Variants in TTLL11 observed in about 807,000 individuals in gnomAD.
TTLL11 encodes tubulin tyrosine ligase like 11.
TTLL11 carries 42 observed loss-of-function variants against 51.7 expected under a neutral mutation model. That is an observed-to-expected ratio of 0.81 (90% CI 0.64 to 1.05). The LOEUF (loss-of-function observed/expected upper bound fraction) is 1.05. Ranked by LOEUF, TTLL11 falls within the 50% of genes least tolerant of loss-of-function variation. TTLL11 has a pLI of 0.00. For synonymous variants in TTLL11, 381 were observed against 383.5 expected (o/e 0.99, Z 0.08); for missense variants, 799 against 940.4 (o/e 0.85, Z 1.97).
At chr9:122,048,447 G>A (rs963157007) in intron 1 of TTLL11, among the ~76,000 whole-genome samples, 1 of 152,186 alleles carries the variant, frequency 6.6e-6, no homozygotes, top group Non-Finnish European at 1.5e-5. Flanking sequence ...GATTATAGAT[G>A]TGAGGCACTG....
chr9:122,046,981 A>C lies in TTLL11; in HGVS notation c.463-7613T>G, dbSNP rs1845023902. On this transcript the variant is annotated intron_variant, in intron 1 of 8. Coordinates refer to ENST00000321582, the MANE Select transcript of TTLL11 (RefSeq NM_001139442.2). ...CACAATGGGAAATGTCTGCCTTCGG[A>C]GTATATGGTCCATGGGGGAGAAGAT... is the stretch of plus-strand genomic sequence containing the variant. Among the ~76,000 whole-genome samples the C allele has an allele frequency of 2.0e-5, 3 of 152,116 alleles. 1 individual carries two copies. In the South Asian group the frequency reaches 6.2e-4, roughly 32 times the overall value.
intron 4 of TTLL11, among the ~76,000 whole-genome samples, chr9:121,985,337 T>A (rs551539196): frequency 2.5e-4 from 38 of 152,130 alleles, no homozygotes; most frequent in African/African-American, 8.9e-4. Flanking sequence ...CACAGAGAAG[T>A]TAAGTGACTT....
chr9:122,001,434 A>AAT (rs2131724599), intron 3 of TTLL11, among the ~76,000 whole-genome samples: 1 of 149,282 alleles, frequency 6.7e-6, no homozygotes, highest in South Asian at 2.1e-4. Context: ...GTTACAAATA[A>AAT]GGATCTGAGA....
chr9:122,051,831 T>C (rs1845169127), intron 1 of TTLL11, among the ~76,000 whole-genome samples: 1 of 152,142 alleles, frequency 6.6e-6, no homozygotes, highest in African/African-American at 2.4e-5. Context: ...AACTTTCCCC[T>C]TGGTCAGGGC....
Position 122,092,968 on chromosome 9 carries a change from T to A in TTLL11, c.181A>T (p.Lys61Ter). The A allele has an allele frequency of 6.3e-7, 1 of 1,576,322 alleles. No individual in the cohort carries two copies. Among genetic ancestry groups the A allele is most frequent in the Non-Finnish European group, 8.5e-7 (1 of 1,169,950 alleles). ...TGCGCCGGGGCCGGGGCCAGGACCT[T>A]GGGCTGCTCCTCCCCTGCCTTGCAC... Reference protein sequence around the residue: ...PECKAGEEQPKVLAPAPAQPS... With the variant: ...PECKAGEEQP The change falls in exon 1 of 9, where the codon AAG becomes TAG. Residue 61 changes from lysine to a stop codon, truncating the protein, a stop_gained. Transcript: ENST00000321582. LOFTEE classifies it high-confidence loss of function.
rs79844190 is a variant in TTLL11 at position 122,021,568 on chromosome 9, G to A, written c.693+10155C>T. The stretch of plus-strand genomic sequence containing the variant: ...GAAAACATGATTCATGGAGCACTGG[G>A]TAGAGCACACATAAGACTGTTGCTT... On this transcript the variant is annotated intron_variant, in intron 3 of 8. Coordinates refer to ENST00000321582, the MANE Select transcript of TTLL11 (RefSeq NM_001139442.2). 6.4e-3 allele frequency among the ~76,000 whole-genome samples: 975 copies of A among 152,272 alleles called. 10 individuals carry two copies. The highest frequency in any genetic ancestry group is 0.023 in the African/African-American group (945 of 41,554).
chr9:121,977,493 G>A (rs1024816525), intron 4 of TTLL11, among the ~76,000 whole-genome samples: 1 of 152,050 alleles, frequency 6.6e-6, no homozygotes, highest in Non-Finnish European at 1.5e-5. Flanking sequence ...AATGGCATTA[G>A]TGTGCTTTGT....
Position 122,060,816 on chromosome 9 carries a change from C to T in TTLL11, c.463-21448G>A, listed in dbSNP as rs115119350. On this transcript the variant is annotated intron_variant, in intron 1 of 8. Transcript: ENST00000321582. Reference sequence around the variant, plus strand: ...TGCTGTGGGAGATTATTAGCTCCAACGGTCCATTTTCTTGTTGAAGAAGAA... The same window carrying T: ...TGCTGTGGGAGATTATTAGCTCCAATGGTCCATTTTCTTGTTGAAGAAGAA... Among the ~76,000 whole-genome samples the T allele has an allele frequency of 3.7e-3, 561 of 152,282 alleles. 2 individuals carry two copies. Among genetic ancestry groups the T allele is most frequent in the African/African-American group, 0.011 (451 of 41,560 alleles).
intron 1 of TTLL11, among the ~76,000 whole-genome samples, chr9:122,046,071 A>G (rs1844991799): frequency 6.6e-6 from 1 of 152,204 alleles, no homozygotes; most frequent in Non-Finnish European, 1.5e-5. Context: ...ATGTTTTACC[A>G]CAATAAAAAC....
chr9:121,870,856 A>G, intron 6 of TTLL11, 108 bp from the exon 7 acceptor site: 2 of 1,272,738 alleles, frequency 1.6e-6, no homozygotes, highest in Admixed American at 2.8e-5. Flanking sequence ...TTTTTATTTT[A>G]CAGACAGCAA....
At chr9:122,041,456 G>A (rs568124812) in intron 1 of TTLL11, among the ~76,000 whole-genome samples, 1 of 152,150 alleles carries the variant, frequency 6.6e-6, no homozygotes, top group South Asian at 2.1e-4. Flanking sequence ...TATAGAAGGT[G>A]TCCACATTAG....
At chr9:121,917,126 C>A (rs972201465) in intron 6 of TTLL11, among the ~76,000 whole-genome samples, 1 of 152,086 alleles carries the variant, frequency 6.6e-6, no homozygotes, top group Admixed American at 6.5e-5. Flanking sequence ...GGGCTTTGAC[C>A]CAATTCTGGC....
chr9:121,956,773 A>G (rs1359377442), intron 6 of TTLL11, among the ~76,000 whole-genome samples: 1 of 152,240 alleles, frequency 6.6e-6, no homozygotes, highest in East Asian at 1.9e-4. Flanking sequence ...CAAATTAATC[A>G]GAAACTCTGG....
At chr9:121,964,763 C>G (rs1446328036) in intron 6 of TTLL11, among the ~76,000 whole-genome samples, 1 of 151,956 alleles carries the variant, frequency 6.6e-6, no homozygotes, top group Non-Finnish European at 1.5e-5. Flanking sequence ...CACTAGGGAC[C>G]TCCTTCCCCT....
At chr9:121,925,992 A>G (rs1381808441) in intron 6 of TTLL11, among the ~76,000 whole-genome samples, 3 of 152,146 alleles carry the variant, frequency 2.0e-5, no homozygotes, top group Non-Finnish European at 4.4e-5. Context: ...ATCCTGCCAT[A>G]TCAATGTCTT....
chr9:121,978,569 G>A lies in TTLL11; in HGVS notation c.1270-3590C>T, dbSNP rs140251797. Reference sequence around the variant, plus strand: ...AGCCTCTTTCCAAGTCCCTCTAACGGAGCAGGAATTGTAAATGGAGAGCTT... The same window carrying A: ...AGCCTCTTTCCAAGTCCCTCTAACGAAGCAGGAATTGTAAATGGAGAGCTT... On this transcript the variant is annotated intron_variant, in intron 4 of 8. Coordinates refer to ENST00000321582, the MANE Select transcript of TTLL11 (RefSeq NM_001139442.2). 4.9e-3 allele frequency among the ~76,000 whole-genome samples: 751 copies of A among 152,112 alleles called. 9 individuals carry two copies. Among genetic ancestry groups the A allele is most frequent in the Middle Eastern group, 0.017 (5 of 294 alleles).
chr9:121,830,628 C>T (rs1384071225), intron 8 of TTLL11, among the ~76,000 whole-genome samples: 1 of 152,196 alleles, frequency 6.6e-6, no homozygotes, highest in Non-Finnish European at 1.5e-5. Context: ...TGGAATGGTT[C>T]CAACTGCACA....
intron 8 of TTLL11, among the ~76,000 whole-genome samples, chr9:121,829,109 T>C (rs1328337458): frequency 1.3e-5 from 2 of 151,964 alleles, no homozygotes; most frequent in African/African-American, 2.4e-5. Flanking sequence ...CCCATCACCA[T>C]GCCCAGCTAA....
intron 1 of TTLL11, among the ~76,000 whole-genome samples, chr9:122,089,091 A>C (rs1335100232): frequency 6.6e-6 from 1 of 152,002 alleles, no homozygotes; most frequent in African/African-American, 2.4e-5. Flanking sequence ...CTGAATTCAC[A>C]TGCTGGCTCA....
Sources: gnomAD v4.1 joint callset for allele counts (sites outside exome capture counted in the v4.1 genomes callset) on GRCh38, gnomAD v4.1.1 for gene constraint, MANE v1.5 for transcripts, NCBI Gene and HGNC (gene_info 2026-07-23, HGNC 2026-07-21) for gene names.